Variants in IQSEC1 observed in about 807,000 individuals in gnomAD.
IQSEC1 encodes IQ motif and SEC7 domain-containing protein 1.
A neutral mutation model predicts 91.0 loss-of-function variants in IQSEC1; 31 were observed. The observed-to-expected ratio is 0.34, with a 90% CI of 0.26 to 0.46. The LOEUF (loss-of-function observed/expected upper bound fraction) is 0.46, where lower values mean the gene tolerates loss of function less well. IQSEC1 is among the 20% of genes least tolerant of loss of function. The pLI, the probability that IQSEC1 is intolerant of heterozygous loss-of-function variation, is 1.00. For missense variants in IQSEC1, 1,388 were observed against 1,575.6 expected (o/e 0.88, Z 2.02); for synonymous variants, 699 against 662.6 (o/e 1.05, Z -0.84).
chr3:13,239,959 G>A (rs1559284145), intron 1 of IQSEC1, among the ~76,000 whole-genome samples: 1 of 152,318 alleles, frequency 6.6e-6, no homozygotes, highest in East Asian at 1.9e-4. Context: ...GATGGTGACG[G>A]CTGCAGAACA....
chr3:12,918,346 G>A lies in IQSEC1; in HGVS notation c.2020+2084C>T, dbSNP rs530838961. Among the ~76,000 whole-genome samples the A allele has an allele frequency of 4.6e-5, 7 of 152,304 alleles. No individual in the cohort carries two copies. In the South Asian group the frequency reaches 1.0e-3, roughly 23 times the overall value. ...ATCCAGAGAACTGGCAGTACTGGGT[G>A]CAACCATGGACAGGACCCACAGAGC... On this transcript the variant is annotated intron_variant, in intron 6 of 13. Coordinates refer to ENST00000613206, the MANE Select transcript of IQSEC1 (RefSeq NM_001134382.3).
chr3:13,117,415 T>A (rs2124882122), intron 2 of IQSEC1, among the ~76,000 whole-genome samples: 1 of 150,406 alleles, frequency 6.6e-6, no homozygotes, highest in South Asian at 2.1e-4. Context: ...TGAAACCCCG[T>A]CTCTACTAAA....
intron 2 of IQSEC1, among the ~76,000 whole-genome samples, chr3:12,938,289 T>G (rs1176628482): frequency 6.6e-6 from 1 of 152,228 alleles, no homozygotes; most frequent in Non-Finnish European, 1.5e-5. Context: ...GCGAGGGGTC[T>G]GTCAAGGAGA....
Position 13,026,623 on chromosome 3 carries a change from G to A in IQSEC1, c.23+46369C>T, listed in dbSNP as rs146652714. On this transcript the variant is annotated intron_variant, in intron 1 of 13. Transcript: ENST00000613206. ...CAGTGGGCTGTGCCATGAAGAAGGCGTATAAACTAGATCATTTCTCTGGAT... is the reference window on the plus strand; with the variant it reads ...CAGTGGGCTGTGCCATGAAGAAGGCATATAAACTAGATCATTTCTCTGGAT... 2.2e-3 allele frequency among the ~76,000 whole-genome samples: 340 copies of A among 152,310 alleles called. 1 individual carries two copies. Among genetic ancestry groups the A allele is most frequent in the African/African-American group, 7.4e-3 (309 of 41,578 alleles).
At chr3:12,963,767 T>A (rs930065500) in intron 1 of IQSEC1, among the ~76,000 whole-genome samples, 5 of 152,222 alleles carry the variant, frequency 3.3e-5, no homozygotes, top group Non-Finnish European at 5.9e-5. Context: ...CCTCAGTGCT[T>A]CTACATCTAG....
intron 2 of IQSEC1, among the ~76,000 whole-genome samples, chr3:13,113,799 T>C (rs1559257878): frequency 6.6e-6 from 1 of 152,154 alleles, no homozygotes; most frequent in Non-Finnish European, 1.5e-5. Flanking sequence ...TCTTGGTGGC[T>C]ACAACACGGA....
intron 1 of IQSEC1, among the ~76,000 whole-genome samples, chr3:13,195,101 C>CA (rs1250521090): frequency 6.6e-6 from 1 of 152,116 alleles, no homozygotes; most frequent in Non-Finnish European, 1.5e-5. Flanking sequence ...CCACATCTGA[C>CA]AAACGAGTAG....
In IQSEC1 at chr3:12,902,826, CCCAGAACATGCAATA is replaced by C; in HGVS notation, c.2756-19_2756-5del. 1 of 1,611,868 alleles carries C rather than the reference CCCAGAACATGCAATA, an allele frequency of 6.2e-7. No individual in the cohort carries two copies. The highest frequency in any genetic ancestry group is 8.5e-7 in the Non-Finnish European group (1 of 1,178,000). On this transcript the variant is annotated splice_region_variant and splice_polypyrimidine_tract_variant and intron_variant, in intron 12 of 13. Coordinates refer to ENST00000613206, the MANE Select transcript of IQSEC1 (RefSeq NM_001134382.3). ...CTGCTGCGACGCCCTCGCTTCCCTGCCCAGAACATGCAATACCAGAAGTTAGACGCGGACATGAGG... is the reference window on the plus strand; with the variant it reads ...CTGCTGCGACGCCCTCGCTTCCCTGCCCAGAAGTTAGACGCGGACATGAGG...
chr3:13,027,623 AAG>A (rs1703671973), intron 1 of IQSEC1, among the ~76,000 whole-genome samples: 2 of 152,128 alleles, frequency 1.3e-5, no homozygotes, highest in Admixed American at 1.3e-4. Context: ...TGAGAGAGAA[AAG>A]AGGAGTGGAA....
chr3:13,097,518 C>T (rs949746079), intron 2 of IQSEC1, among the ~76,000 whole-genome samples: 3 of 152,184 alleles, frequency 2.0e-5, no homozygotes, highest in Non-Finnish European at 4.4e-5. Flanking sequence ...CCTGCCAGCT[C>T]GAGCCTCAGT....
intron 1 of IQSEC1, chr3:13,022,237 G>T: frequency 8.1e-7 from 1 of 1,227,532 alleles, no homozygotes; most frequent in African/African-American, 1.6e-5. Context: ...GAAGAAGAAA[G>T]AAAAGCCCCC....
In IQSEC1 at chr3:12,908,967, G is replaced by C; in HGVS notation, c.2578+306C>G. Among the ~76,000 whole-genome samples the C allele has an allele frequency of 6.6e-6, 1 of 152,212 alleles. No individual in the cohort carries two copies. The highest frequency in any genetic ancestry group is 1.9e-4 in the East Asian group (1 of 5,198). ...TCAGTCGGTTGAGCCTGATGCAGAA[G>C]ATGACGAGGTGCAGAGAGGCCAGCT... On this transcript the variant is annotated intron_variant, in intron 11 of 13. Transcript: ENST00000613206. This position sits in a 1 kb window ranked among gnomAD's most constrained non-coding sequence, Gnocchi z 4.9.
chr3:13,167,596 G>C (rs529560482), intron 1 of IQSEC1, among the ~76,000 whole-genome samples: 5 of 152,158 alleles, frequency 3.3e-5, no homozygotes, highest in South Asian at 2.1e-4. Context: ...TGGCACTTGG[G>C]GGGGCAAAAG....
chr3:13,038,287 T>C (rs1344762385), intron 1 of IQSEC1, among the ~76,000 whole-genome samples: 29 of 132,666 alleles, frequency 2.2e-4, no homozygotes, highest in Non-Finnish European at 4.4e-4. Context: ...TATATATATA[T>C]ATATATATAT....
chr3:12,941,571 C>T lies in IQSEC1; in HGVS notation c.318G>A (p.Gln106=). The T allele has an allele frequency of 3.8e-6, 6 of 1,566,534 alleles. No homozygotes were observed. Among genetic ancestry groups the T allele is most frequent in the Non-Finnish European group, 5.2e-6 (6 of 1,150,932 alleles). ...GGCCTGAGGGGCTGTGCTCTCCTACCTGCTTGTCCTGCAGGTCCGAGGAGA... is the reference window on the plus strand; with the variant it reads ...GGCCTGAGGGGCTGTGCTCTCCTACTTGCTTGTCCTGCAGGTCCGAGGAGA... ...YELSSDLQDK[Q]VEMLERKYGG... Residue 106 remains glutamine (Q), a splice_region_variant and synonymous_variant, in exon 2 of 14, where the codon CAG becomes CAA. Transcript: ENST00000613206.
chr3:13,196,986 G>A lies in IQSEC1; in HGVS notation c.273-32853C>T, dbSNP rs567184488. Among the ~76,000 whole-genome samples, 247 of 152,242 alleles carry A rather than the reference G, an allele frequency of 1.6e-3. 1 individual carries two copies. Among genetic ancestry groups the A allele is most frequent in the African/African-American group, 5.7e-3 (238 of 41,550 alleles). Reference sequence around the variant, plus strand: ...GGAAGGGTGTTCTCTGAGGCAGGATGCGTAGGGAGAGTTGAGGAGGGCTGC... The same window carrying A: ...GGAAGGGTGTTCTCTGAGGCAGGATACGTAGGGAGAGTTGAGGAGGGCTGC... On this transcript the variant is annotated intron_variant, in intron 1 of 15. Coordinates refer to the IQSEC1 transcript ENST00000648114.
intron 1 of IQSEC1, among the ~76,000 whole-genome samples, chr3:13,030,308 G>A (rs1703797152): frequency 1.3e-5 from 2 of 152,122 alleles, no homozygotes. Flanking sequence ...TATCCGCCAG[G>A]CTGGTCTCGA....
intron 2 of IQSEC1, among the ~76,000 whole-genome samples, chr3:13,140,752 T>G (rs969907747): frequency 6.6e-6 from 1 of 152,190 alleles, no homozygotes; most frequent in Non-Finnish European, 1.5e-5. Context: ...GGTGCAGGGC[T>G]GGCCTGGGGG....
At chr3:12,917,842 G>A (rs2596901) in intron 6 of IQSEC1, among the ~76,000 whole-genome samples, 121,907 of 152,228 alleles carry the variant, frequency 0.8, 49,453 homozygotes, top group African/African-American at 0.89. Flanking sequence ...AAAAATTTAA[G>A]AACAAACTTT....
Sources: gnomAD v4.1 joint callset for allele counts (sites outside exome capture counted in the v4.1 genomes callset) on GRCh38, gnomAD v4.1.1 for gene constraint, Gnocchi (gnomAD v3.1) non-coding constraint, MANE v1.5 for transcripts, NCBI Gene and HGNC (gene_info 2026-07-23, HGNC 2026-07-21) for gene names.